Variants in DESI2 observed in about 807,000 individuals in gnomAD.
The protein encoded by DESI2 is desumoylating isopeptidase 2, also known as deubiquitinase DESI2.
Under a neutral mutation model 24.1 loss-of-function variants are expected in DESI2, and 10 were observed. The observed-to-expected ratio is 0.41, with a 90% CI of 0.26 to 0.70. The LOEUF (loss-of-function observed/expected upper bound fraction) is 0.70, where lower values mean the gene tolerates loss of function less well. DESI2 is among the 30% of genes least tolerant of loss of function. The pLI is 0.29. For synonymous variants in DESI2, 71 were observed against 87.7 expected (o/e 0.81, Z 1.06); for missense variants, 122 against 234.9 (o/e 0.52, Z 3.14).
intron 1 of DESI2, among the ~76,000 whole-genome samples, chr1:244,675,650 A>C (rs771497684): frequency 4.6e-5 from 7 of 152,186 alleles, no homozygotes; most frequent in Non-Finnish European, 8.8e-5. Flanking sequence ...GTCTATCTTT[A>C]TGCCAGTAAT....
In DESI2 at chr1:244,689,443, TA is replaced by T; in HGVS notation, c.209+106del. ...GTAAATCAAAACAAACCCAAGAAGTTAAAAATGTCTCTTTGTTTTAATTGCT... is the reference window on the plus strand; with the variant it reads ...GTAAATCAAAACAAACCCAAGAAGTTAAAATGTCTCTTTGTTTTAATTGCT... On this transcript the variant is annotated intron_variant, in intron 3 of 4. Transcript: ENST00000302550. This position sits in a 1 kb window ranked among gnomAD's most constrained non-coding sequence, Gnocchi z 4.0. The T allele has an allele frequency of 1.6e-6, 1 of 609,294 alleles. No homozygotes were observed. Among genetic ancestry groups the T allele is most frequent in the Non-Finnish European group, 3.0e-6 (1 of 338,818 alleles). The allele number at this position is 609,294 out of a possible 1,614,324, so 37.7% of individuals were successfully genotyped here. A position where few individuals can be genotyped will look rare whatever the true frequency, so the allele number is the denominator to read the frequency against.
In DESI2 at chr1:244,678,875, C is replaced by G. The variant is rs538883130; in HGVS notation, c.43-7722C>G. On this transcript the variant is annotated intron_variant, in intron 1 of 4. Coordinates refer to ENST00000302550, the MANE Select transcript of DESI2 (RefSeq NM_016076.5). ...TTAAGGAAATCAACAGTATACAGAC[C>G]AAATTATTGGTTGCAAACTGTATAA... Among the ~76,000 whole-genome samples the G allele has an allele frequency of 6.6e-5, 10 of 152,210 alleles. No individual in the cohort carries two copies. The Middle Eastern group carries it at 0.01, about 155-fold the overall frequency.
At chr1:244,665,333 C>T (rs983701958) in intron 1 of DESI2, among the ~76,000 whole-genome samples, 6 of 152,084 alleles carry the variant, frequency 3.9e-5, no homozygotes, top group East Asian at 3.9e-4. Flanking sequence ...CTAAAATCTG[C>T]GCTCCTAACT....
At chr1:244,669,743 A>G (rs1289601662) in intron 1 of DESI2, among the ~76,000 whole-genome samples, 1 of 152,166 alleles carries the variant, frequency 6.6e-6, no homozygotes, top group Non-Finnish European at 1.5e-5. Context: ...GTAAGTGTGT[A>G]TTAGTATTAG....
chr1:244,659,948 A>C (rs1675781095), intron 1 of DESI2, among the ~76,000 whole-genome samples: 1 of 152,160 alleles, frequency 6.6e-6, no homozygotes, highest in Non-Finnish European at 1.5e-5. Flanking sequence ...GAAAAATACA[A>C]CTCAGATGCC....
chr1:244,679,912 C>T (rs1676547193), intron 1 of DESI2, among the ~76,000 whole-genome samples: 2 of 148,034 alleles, frequency 1.4e-5, no homozygotes, highest in East Asian at 3.9e-4. Flanking sequence ...TCTACCTAAC[C>T]ATAGTGCTGT....
intron 1 of DESI2, among the ~76,000 whole-genome samples, chr1:244,680,107 C>T (rs1299834967): frequency 6.7e-6 from 1 of 150,358 alleles, no homozygotes; most frequent in Non-Finnish European, 1.5e-5. Flanking sequence ...GCCCACCCTT[C>T]CTCTGCCTTC....
intron 1 of DESI2, among the ~76,000 whole-genome samples, chr1:244,682,232 G>A (rs576771306): frequency 3.9e-4 from 60 of 152,256 alleles, no homozygotes; most frequent in African/African-American, 1.1e-3. Flanking sequence ...GGCCACACCC[G>A]CATCCCACTG....
rs113349044 is a variant in DESI2 at position 244,680,429 on chromosome 1, C to CA, written c.43-6155dup. 6.8e-3 allele frequency among the ~76,000 whole-genome samples: 917 copies of CA among 135,074 alleles called. 5 individuals are homozygous for CA. The highest frequency in any genetic ancestry group is 0.017 in the African/African-American group (636 of 36,846). 88.6% of individuals were successfully genotyped at this position (135,074 alleles called of 152,430 possible). On this transcript the variant is annotated intron_variant, in intron 1 of 4. Transcript: ENST00000302550. ...TGGGCAACAGAGCCAAACCCTGTCT[C>CA]AAAAAAAAAAAAAGACCAGGCCAGT...
At chr1:244,688,234 G>T (rs35529546) in intron 2 of DESI2, among the ~76,000 whole-genome samples, 36,618 of 151,968 alleles carry the variant, frequency 0.24, 4,457 homozygotes, top group South Asian at 0.33. Flanking sequence ...GTGACTTTCC[G>T]TACTATAATT....
chr1:244,682,584 A>G (rs77840543), intron 1 of DESI2, among the ~76,000 whole-genome samples: 7,456 of 152,270 alleles, frequency 0.049, 222 homozygotes, highest in Middle Eastern at 0.082. Context: ...TTGTAAAAAA[A>G]TAGATATTTG....
chr1:244,691,747 ATT>A (rs1677036831), intron 3 of DESI2, 130 bp from the exon 4 acceptor site: 1 of 710,442 alleles, frequency 1.4e-6, no homozygotes, highest in South Asian at 2.5e-5. Context: ...GTCTTGTTAT[ATT>A]AACCCTGATT....
intron 1 of DESI2, among the ~76,000 whole-genome samples, chr1:244,683,778 T>C (rs1326441949): frequency 6.6e-6 from 1 of 151,974 alleles, no homozygotes; most frequent in African/African-American, 2.4e-5. Context: ...TGGAGTGCAG[T>C]GGTGTGATCA....
intron 4 of DESI2, among the ~76,000 whole-genome samples, chr1:244,698,047 G>A (rs190692526): frequency 7.2e-5 from 11 of 152,192 alleles, no homozygotes; most frequent in African/African-American, 2.7e-4. Context: ...GGAAGGTGCC[G>A]GGCCAGGGTG....
intron 4 of DESI2, among the ~76,000 whole-genome samples, chr1:244,697,105 A>G (rs181944249): frequency 1.4e-4 from 21 of 152,098 alleles, no homozygotes; most frequent in African/African-American, 5.1e-4. Context: ...TTTGTTTTGT[A>G]CCTTTTTGTT....
At chr1:244,691,327 G>T (rs1362552184) in intron 3 of DESI2, among the ~76,000 whole-genome samples, 1 of 152,252 alleles carries the variant, frequency 6.6e-6, no homozygotes, top group African/African-American at 2.4e-5. Context: ...GACCTCAGGT[G>T]ATCTGCCCAC....
chr1:244,654,726 CTT>C (rs981730056), intron 1 of DESI2, among the ~76,000 whole-genome samples: 1 of 152,198 alleles, frequency 6.6e-6, no homozygotes, highest in African/African-American at 2.4e-5. Flanking sequence ...TGGATTTAAA[CTT>C]TTTGTGTTCA....
At chr1:244,682,448 C>T (rs1348096046) in intron 1 of DESI2, among the ~76,000 whole-genome samples, 5 of 152,180 alleles carry the variant, frequency 3.3e-5, no homozygotes, top group African/African-American at 7.2e-5. Context: ...AAAACATTTA[C>T]ATCGTTCAAA....
At chr1:244,669,219 A>G (rs1676152803) in intron 1 of DESI2, among the ~76,000 whole-genome samples, 1 of 150,412 alleles carries the variant, frequency 6.6e-6, no homozygotes. Flanking sequence ...CTGGTCTTGA[A>G]CTCCTGGGCT....
Sources: gnomAD v4.1 joint callset for allele counts (sites outside exome capture counted in the v4.1 genomes callset) on GRCh38, gnomAD v4.1.1 for gene constraint, Gnocchi (gnomAD v3.1) non-coding constraint, MANE v1.5 for transcripts, NCBI Gene and HGNC (gene_info 2026-07-23, HGNC 2026-07-21) for gene names.